Variants in GDAP1 observed in about 807,000 individuals in gnomAD.
The protein encoded by GDAP1 is ganglioside-induced differentiation-associated protein 1.
In GDAP1, 34 loss-of-function variants were observed where a neutral mutation model predicts 40.1. The ratio of observed to expected loss-of-function variants is 0.85; its 90% CI spans 0.64 to 1.13. GDAP1 has a LOEUF of 1.13. Ranked by LOEUF, GDAP1 falls within the 50% of genes most tolerant of loss-of-function variation. The probability of loss-of-function intolerance (pLI) is 0.00; values close to 1 mark genes in which losing one functional copy is unlikely to be tolerated. For missense variants in GDAP1, 374 were observed against 433.7 expected, an observed-to-expected ratio of 0.86 and a Z score of 1.22; for synonymous variants, 170 against 157.4, an observed-to-expected ratio of 1.08 and a Z score of -0.60.
At chr8:74,427,707 TACTC>T (rs1037578074) in intron 2 of GDAP1, among the ~76,000 whole-genome samples, 2 of 152,150 alleles carry the variant, frequency 1.3e-5, no homozygotes, top group African/African-American at 2.4e-5. Context: ...TGTAGACTGT[TACTC>T]AGGCAGTCTG....
intron 2 of GDAP1, among the ~76,000 whole-genome samples, chr8:74,463,066 A>G (rs1177256960): frequency 1.4e-5 from 1 of 71,056 alleles, no homozygotes; most frequent in Non-Finnish European, 2.9e-5. Flanking sequence ...AATTAAGGCA[A>G]TAAGTTACGG....
chr8:74,401,221 G>A (rs1460416512), intron 2 of GDAP1, among the ~76,000 whole-genome samples: 1 of 148,960 alleles, frequency 6.7e-6, no homozygotes, highest in Non-Finnish European at 1.5e-5. Flanking sequence ...TTTTCACATA[G>A]TCCCATATTT....
At position 74,410,524 on chromosome 8, in the gene GDAP1, G is replaced by A. The variant is rs1182880197; in HGVS notation, c.165+59203G>A. On this transcript the variant is annotated intron_variant, in intron 2 of 2. Coordinates refer to the GDAP1 transcript ENST00000523640. ...AGCATTACTTGGGATATTTAAAATGGGCTTTTTCTTTGAATATTGAGAAAA... is the reference window on the plus strand; with the variant it reads ...AGCATTACTTGGGATATTTAAAATGAGCTTTTTCTTTGAATATTGAGAAAA... Among the ~76,000 whole-genome samples the A allele has an allele frequency of 1.3e-5, 2 of 150,144 alleles. 1 individual carries two copies. Among genetic ancestry groups the A allele is most frequent in the African/African-American group, 5.1e-5 (2 of 39,476 alleles).
At chr8:74,482,656 G>A (rs1215321019) in intron 2 of GDAP1, among the ~76,000 whole-genome samples, 10 of 152,188 alleles carry the variant, frequency 6.6e-5, no homozygotes, top group African/African-American at 1.7e-4. Flanking sequence ...TGGAAGCAAC[G>A]TTTCCAGGTT....
intron 2 of GDAP1, among the ~76,000 whole-genome samples, chr8:74,439,916 A>G (rs1353386399): frequency 1.3e-5 from 2 of 152,092 alleles, no homozygotes; most frequent in Admixed American, 6.5e-5. Flanking sequence ...TGTAAGTGAC[A>G]CTATTTTTAT....
rs567176187 is a variant in GDAP1, at chr8:74,450,469, G to T, written c.166-38209G>T. On this transcript the variant is annotated intron_variant, in intron 2 of 2. Transcript: ENST00000523640. The stretch of plus-strand genomic sequence containing the variant: ...TTCAATTCTGAATGTGATCTTTTTT[G>T]TCCCTTGAGGTCTGTTAATTTTTGT... 2.6e-5 allele frequency among the ~76,000 whole-genome samples: 4 copies of T among 151,656 alleles called. No individual in the cohort carries two copies. The East Asian group carries it at 7.7e-4, about 29-fold the overall frequency.
chr8:74,441,324 C>G (rs905500850), intron 2 of GDAP1, among the ~76,000 whole-genome samples: 7 of 151,912 alleles, frequency 4.6e-5, no homozygotes, highest in Admixed American at 2.0e-4. Context: ...CTCATGGGTC[C>G]CCCATGAGTT....
chr8:74,359,819 G>T (rs1809269433), intron 2 of GDAP1, among the ~76,000 whole-genome samples: 1 of 152,254 alleles, frequency 6.6e-6, no homozygotes, highest in Admixed American at 6.5e-5. Context: ...ATGTGAGCCA[G>T]TCAGATGTTG....
chr8:74,462,872 G>A, intron 2 of GDAP1, among the ~76,000 whole-genome samples: 2 of 151,628 alleles, frequency 1.3e-5, no homozygotes. Context: ...AAGTGACAAG[G>A]ACGTAAGTTG....
chr8:74,396,737 T>G (rs1217119400), intron 2 of GDAP1, among the ~76,000 whole-genome samples: 3 of 152,332 alleles, frequency 2.0e-5, no homozygotes, highest in Admixed American at 1.3e-4. Flanking sequence ...TGCCACATTT[T>G]CTTAATCCAG....
intron 2 of GDAP1, among the ~76,000 whole-genome samples, chr8:74,351,764 T>C (rs901794269): frequency 1.3e-5 from 2 of 152,240 alleles, no homozygotes; most frequent in Non-Finnish European, 2.9e-5. Context: ...TGGTGATTTC[T>C]TAGTCTTAAA....
intron 2 of GDAP1, among the ~76,000 whole-genome samples, chr8:74,445,142 G>A (rs1028290137): frequency 2.0e-5 from 3 of 152,106 alleles, no homozygotes. Context: ...GAGTTGGAAG[G>A]ACATCTAAAA....
chr8:74,421,563 T>C (rs939002630), intron 2 of GDAP1, among the ~76,000 whole-genome samples: 2 of 152,028 alleles, frequency 1.3e-5, no homozygotes, highest in African/African-American at 4.8e-5. Context: ...AGTGAGTGGG[T>C]GAAAGTGATG....
intron 2 of GDAP1, among the ~76,000 whole-genome samples, chr8:74,425,272 A>G (rs1292571204): frequency 6.6e-6 from 1 of 152,244 alleles, no homozygotes; most frequent in East Asian, 1.9e-4. Flanking sequence ...TCAATGTCTC[A>G]CATAATATTA....
intron 2 of GDAP1, among the ~76,000 whole-genome samples, chr8:74,477,568 T>A (rs1806647150): frequency 6.6e-6 from 1 of 152,114 alleles, no homozygotes; most frequent in African/African-American, 2.4e-5. Context: ...AAGGCTCAGC[T>A]CAGGACTCCT....
chr8:74,400,600 G>A (rs1437120744), intron 2 of GDAP1, among the ~76,000 whole-genome samples: 1 of 149,972 alleles, frequency 6.7e-6, no homozygotes, highest in Non-Finnish European at 1.5e-5. Context: ...TCATTGTGAT[G>A]TTAGCTGGTT....
chr8:74,433,313 C>T (rs1319085156), intron 2 of GDAP1, among the ~76,000 whole-genome samples: 3 of 152,198 alleles, frequency 2.0e-5, no homozygotes, highest in Non-Finnish European at 4.4e-5. Flanking sequence ...GCCCCCTTCC[C>T]TTCCTAACTC....
At chr8:74,403,747 T>C (rs1184982059) in intron 2 of GDAP1, among the ~76,000 whole-genome samples, 4 of 150,260 alleles carry the variant, frequency 2.7e-5, no homozygotes, top group African/African-American at 7.6e-5. Context: ...GGATGAACTG[T>C]AATCATTAGA....
At position 74,450,773 on chromosome 8, in the gene GDAP1, T is replaced by C. The variant is rs1806291424; in HGVS notation, c.166-37905T>C. The stretch of plus-strand genomic sequence containing the variant: ...AGTTTATTTACATTAATATAATTAC[T>C]GATATGTTTGGATTTATGTCCACCG... On this transcript the variant is annotated intron_variant, in intron 2 of 2. Coordinates refer to the GDAP1 transcript ENST00000523640. 2.4e-5 allele frequency among the ~76,000 whole-genome samples: 2 copies of C among 82,592 alleles called. 1 individual carries two copies. Among genetic ancestry groups the C allele is most frequent in the African/African-American group, 1.0e-4 (2 of 19,132 alleles). The allele number at this position is 82,592 out of a possible 152,430, so 54.2% of individuals were successfully genotyped here.
Sources: allele counts gnomAD v4.1 joint callset (sites outside exome capture counted in the v4.1 genomes callset), GRCh38; gene constraint gnomAD v4.1.1; transcripts MANE v1.5; gene names NCBI Gene and HGNC (gene_info 2026-07-23, HGNC 2026-07-21).